The following LINGO2 variants were observed in gnomAD, a reference collection of about 807,000 sequenced individuals.
LINGO2 encodes the protein leucine-rich repeat and immunoglobulin-like domain-containing nogo receptor-interacting protein 2.
A neutral mutation model predicts 30.6 loss-of-function variants in LINGO2; 14 were observed. The ratio of observed to expected loss-of-function variants is 0.46; its 90% CI spans 0.30 to 0.72. LINGO2 has a LOEUF of 0.72. LINGO2 is among the 30% of genes least tolerant of loss of function. The probability of loss-of-function intolerance (pLI) is 0.07; values close to 1 mark genes in which losing one functional copy is unlikely to be tolerated. For missense variants in LINGO2, 729 were observed against 751.7 expected (o/e 0.97, Z 0.35); for synonymous variants, 317 against 288.5 (o/e 1.10, Z -1.00).
At chr9:28,949,436 T>G in the LINGO2 span, among the ~76,000 whole-genome samples, 1 of 152,100 alleles carries the variant, frequency 6.6e-6, no homozygotes, top group East Asian at 1.9e-4. Context: ...ATATCACCAC[T>G]GATCCCACAG....
chr9:29,047,775 T>C, the LINGO2 span, among the ~76,000 whole-genome samples: 1 of 152,156 alleles, frequency 6.6e-6, no homozygotes, highest in African/African-American at 2.4e-5. Context: ...ATCAGTAATG[T>C]TGCAGGATAC....
At chr9:28,847,808 T>A in the LINGO2 span, among the ~76,000 whole-genome samples, 7 of 37,366 alleles carry the variant, frequency 1.9e-4, 1 homozygote, top group South Asian at 6.1e-3. Context: ...GTATAGTATA[T>A]ATGTATATAT....
At chr9:28,289,737 C>A (rs1244113880) in intron 4 of LINGO2, among the ~76,000 whole-genome samples, 1 of 152,046 alleles carries the variant, frequency 6.6e-6, no homozygotes. Flanking sequence ...CTAAATATCC[C>A]AATATTTAAA....
At chr9:29,032,204 T>C in the LINGO2 span, among the ~76,000 whole-genome samples, 2 of 152,178 alleles carry the variant, frequency 1.3e-5, no homozygotes, top group Non-Finnish European at 2.9e-5. Context: ...CAGTGGCTTA[T>C]TTAAAGTTAT....
chr9:28,162,815 C>T (rs1167182740), intron 4 of LINGO2, among the ~76,000 whole-genome samples: 2 of 152,014 alleles, frequency 1.3e-5, no homozygotes, highest in African/African-American at 4.8e-5. Flanking sequence ...CATGATTGTT[C>T]ATGTATGCCA....
At chr9:28,419,904 G>T (rs17821935) in intron 2 of LINGO2, among the ~76,000 whole-genome samples, 44,615 of 151,718 alleles carry the variant, frequency 0.29, 7,689 homozygotes, top group Non-Finnish European at 0.38. Context: ...CAATATAAAA[G>T]GTTGGCAAAT....
intron 3 of LINGO2, among the ~76,000 whole-genome samples, 199 bp from the exon 6 acceptor site, chr9:28,295,565 C>T (rs570380603): frequency 1.3e-5 from 2 of 152,180 alleles, no homozygotes; most frequent in East Asian, 3.9e-4. Flanking sequence ...TTTCCAAGTG[C>T]ATGTCCCTCT....
chr9:28,349,339 C>A (rs1157319433), intron 3 of LINGO2, among the ~76,000 whole-genome samples: 2 of 141,736 alleles, frequency 1.4e-5, no homozygotes, highest in East Asian at 4.1e-4. Context: ...GGCTCGAGAA[C>A]TACGTGAAGA....
At chr9:28,150,651 C>G (rs1827973365) in intron 4 of LINGO2, among the ~76,000 whole-genome samples, 2 of 152,228 alleles carry the variant, frequency 1.3e-5, no homozygotes, top group African/African-American at 2.4e-5. Context: ...CTGGTTGCCA[C>G]TCTTCAATCA....
chr9:28,651,874 T>C (rs1168331280), intron 1 of LINGO2, among the ~76,000 whole-genome samples: 1 of 152,150 alleles, frequency 6.6e-6, no homozygotes, highest in Non-Finnish European at 1.5e-5. Flanking sequence ...ATCACCCCCT[T>C]AGCATATCCA....
At chr9:28,111,154 C>A (rs1008970413) in intron 4 of LINGO2, among the ~76,000 whole-genome samples, 1 of 152,082 alleles carries the variant, frequency 6.6e-6, no homozygotes, top group African/African-American at 2.4e-5. Flanking sequence ...CCAAACATCA[C>A]ATGTTCTCAC....
At chr9:28,874,690 CT>C in the LINGO2 span, among the ~76,000 whole-genome samples, 1 of 151,998 alleles carries the variant, frequency 6.6e-6, no homozygotes, top group African/African-American at 2.4e-5. Flanking sequence ...CATAAAACAC[CT>C]TCCAGCTCTG....
chr9:28,010,308 T>C (rs1377445397), intron 5 of LINGO2, among the ~76,000 whole-genome samples: 4 of 152,320 alleles, frequency 2.6e-5, no homozygotes, highest in Admixed American at 1.3e-4. Context: ...TGTATGGAGA[T>C]AGTTTGAGTT....
At chr9:28,445,591 C>A (rs1231411977) in intron 2 of LINGO2, among the ~76,000 whole-genome samples, 1 of 152,092 alleles carries the variant, frequency 6.6e-6, no homozygotes, top group Non-Finnish European at 1.5e-5. Context: ...TTTATTGCTC[C>A]CTTTGTTCCA....
chr9:28,473,307 TG>T (rs1216886003), intron 2 of LINGO2, among the ~76,000 whole-genome samples: 2 of 152,096 alleles, frequency 1.3e-5, no homozygotes, highest in African/African-American at 4.8e-5. Flanking sequence ...ATTCAATTAA[TG>T]CAATTCTTCT....
the LINGO2 span, among the ~76,000 whole-genome samples, chr9:29,046,571 T>A: frequency 6.6e-6 from 1 of 152,046 alleles, no homozygotes; most frequent in African/African-American, 2.4e-5. Flanking sequence ...ACCCCTTTCT[T>A]ACACCAAACA....
the LINGO2 span, among the ~76,000 whole-genome samples, chr9:28,924,553 GACAA>G: frequency 3.9e-5 from 6 of 151,904 alleles, no homozygotes; most frequent in African/African-American, 1.2e-4. Flanking sequence ...CAAATAAACA[GACAA>G]ACAAACAAAC....
At chr9:28,285,099 G>C (rs1398713431) in intron 4 of LINGO2, among the ~76,000 whole-genome samples, 28 of 152,292 alleles carry the variant, frequency 1.8e-4, no homozygotes, top group Admixed American at 1.8e-3. Context: ...ATTGTGCTAA[G>C]CACTGGCCTT....
the LINGO2 span, among the ~76,000 whole-genome samples, chr9:28,682,752 T>C: frequency 1.3e-5 from 2 of 152,086 alleles, no homozygotes; most frequent in Admixed American, 1.3e-4. Flanking sequence ...TTATGGATAT[T>C]GATATGCTTT....
Sources: allele counts gnomAD v4.1 joint callset (sites outside exome capture counted in the v4.1 genomes callset), GRCh38; gene constraint gnomAD v4.1.1; transcripts MANE v1.5; gene names NCBI Gene and HGNC (gene_info 2026-07-23, HGNC 2026-07-21).